Variants in PRKDC observed in about 807,000 individuals in gnomAD.
PRKDC encodes the protein DNA-dependent protein kinase catalytic subunit.
PRKDC carries 82 observed loss-of-function variants against 486.9 expected under a neutral mutation model. That is an observed-to-expected ratio of 0.17 (90% CI 0.14 to 0.20). The LOEUF (loss-of-function observed/expected upper bound fraction) is 0.20, where lower values mean the gene tolerates loss of function less well. Among genes scored for constraint, PRKDC ranks in the 10% least tolerant of loss-of-function variants. PRKDC has a pLI of 1.00. For missense variants in PRKDC, 4,504 were observed against 5,038.2 expected, an observed-to-expected ratio of 0.89 and a Z score of 3.21; for synonymous variants, 1,895 against 1,837.0, an observed-to-expected ratio of 1.03 and a Z score of -0.81.
At position 47,816,694 on chromosome 8, in the gene PRKDC, A is replaced by G. The variant is rs543785489; in HGVS notation, c.9557+756T>C. The stretch of plus-strand genomic sequence containing the variant: ...GGTCTGGTAGAAAAGAAAAAAATAC[A>G]AATACTAACATGGAAAAATGTTTAA... On this transcript the variant is annotated intron_variant, in intron 68 of 85. Coordinates refer to ENST00000314191, the MANE Select transcript of PRKDC (RefSeq NM_006904.7). 6.6e-5 allele frequency among the ~76,000 whole-genome samples: 10 copies of G among 152,346 alleles called. No individual in the cohort carries two copies. The East Asian group carries it at 1.9e-3, about 29-fold the overall frequency.
intron 46 of PRKDC, 37 bp downstream of exon 46, chr8:47,859,574 A>G (rs1464014593): frequency 6.3e-7 from 1 of 1,597,654 alleles, no homozygotes; most frequent in Non-Finnish European, 8.6e-7. Context: ...CTTCACAAAC[A>G]TCGACAATAT....
At position 47,879,564 on chromosome 8, in the gene PRKDC, T is replaced by C. The variant is rs745483541; in HGVS notation, c.5162A>G (p.His1721Arg). The change falls in exon 39 of 86, where the codon CAC (histidine) becomes CGC (arginine). Residue 1721 changes from histidine to arginine, a missense_variant. Around this residue, in one of 6 missense-constraint regions of PRKDC, gnomAD observed 1,969 missense variants for 2,068.9 expected, o/e 0.95. Transcript: ENST00000314191. ...AAATTCCCTGGACTGCATGGGGAAG[T>C]GAGCAACGATGAGCTGCTCCAGAAC... is the stretch of plus-strand genomic sequence containing the variant. The part of the protein sequence containing the change: ...RRVLEQLIVA[H>R]FPMQSREFPP... 9.4e-6 allele frequency: 15 copies of C among 1,596,928 alleles called. No individual in the cohort carries two copies. In the Admixed American group the frequency reaches 2.6e-4, roughly 28 times the overall value.
intron 45 of PRKDC, among the ~76,000 whole-genome samples, 152 bp from the exon 46 acceptor site, chr8:47,859,911 A>G (rs1013221862): frequency 6.6e-6 from 1 of 152,252 alleles, no homozygotes; most frequent in African/African-American, 2.4e-5. Context: ...CCAGATTAAG[A>G]AAGCAAAAAA....
chr8:47,851,153 C>T (rs537113080), intron 52 of PRKDC, among the ~76,000 whole-genome samples: 2 of 152,148 alleles, frequency 1.3e-5, no homozygotes, highest in Admixed American at 6.5e-5. Context: ...CAAATTTCTA[C>T]GATAAATCCG....
intron 13 of PRKDC, among the ~76,000 whole-genome samples, 195 bp from the exon 14 acceptor site, chr8:47,935,253 G>A (rs2090328922): frequency 1.3e-5 from 2 of 152,136 alleles, no homozygotes; most frequent in African/African-American, 4.8e-5. Flanking sequence ...TGTAATCCCA[G>A]CACTTTGGGA....
intron 41 of PRKDC, among the ~76,000 whole-genome samples, 152 bp downstream of exon 41, chr8:47,864,404 A>C (rs2088754839): frequency 6.6e-6 from 1 of 152,208 alleles, no homozygotes; most frequent in Non-Finnish European, 1.5e-5. Context: ...CAGAAGCCAC[A>C]GGAAATAAAG....
At chr8:47,799,991 T>A (rs920196788) in intron 71 of PRKDC, among the ~76,000 whole-genome samples, 1 of 152,148 alleles carries the variant, frequency 6.6e-6, no homozygotes, top group African/African-American at 2.4e-5. Context: ...TTCAAAAAAA[T>A]TTAAAATTCA....
chr8:47,835,568 G>T (rs1467872116), intron 58 of PRKDC, among the ~76,000 whole-genome samples: 2 of 117,418 alleles, frequency 1.7e-5, no homozygotes. Context: ...AGTGAGCCAA[G>T]ATCGTGCCAC....
chr8:47,869,068 G>A (rs2088885190), intron 40 of PRKDC, among the ~76,000 whole-genome samples: 1 of 152,126 alleles, frequency 6.6e-6, no homozygotes, highest in South Asian at 2.1e-4. Flanking sequence ...GTGCCTTGGG[G>A]TCCCAAACAA....
intron 40 of PRKDC, among the ~76,000 whole-genome samples, chr8:47,870,555 G>T (rs987568833): frequency 2.0e-5 from 3 of 152,132 alleles, no homozygotes; most frequent in Non-Finnish European, 4.4e-5. Context: ...AGTGACCAAA[G>T]ACTTAGATCA....
chr8:47,774,409 G>A (rs2086570023), intron 85 of PRKDC, 32 bp from the exon 86 acceptor site: 1 of 1,593,538 alleles, frequency 6.3e-7, no homozygotes, highest in Non-Finnish European at 8.6e-7. Flanking sequence ...AAAACACAAA[G>A]CATGTGTCAT....
At chr8:47,956,977 CCAAAA>C (rs1475804577) in intron 3 of PRKDC, among the ~76,000 whole-genome samples, 189 bp downstream of exon 3, 5 of 11,452 alleles carry the variant, frequency 4.4e-4, no homozygotes, top group Non-Finnish European at 6.4e-4. Context: ...AACTCCTTCT[CCAAAA>C]AAAAAAAAAA....
At chr8:47,907,373 T>A (rs2154502589) in intron 25 of PRKDC, among the ~76,000 whole-genome samples, 1 of 149,840 alleles carries the variant, frequency 6.7e-6, no homozygotes, top group East Asian at 2.0e-4. Context: ...AGTACATAAG[T>A]TTTTTAATAC....
At chr8:47,803,054 T>A (rs2087142037) in intron 70 of PRKDC, among the ~76,000 whole-genome samples, 1 of 152,246 alleles carries the variant, frequency 6.6e-6, no homozygotes, top group African/African-American at 2.4e-5. Flanking sequence ...CCCAAATTGC[T>A]CGGATTACAG....
At chr8:47,799,448 T>C in intron 71 of PRKDC, 58 bp from the exon 72 acceptor site, 1 of 1,413,766 alleles carries the variant, frequency 7.1e-7, no homozygotes, top group South Asian at 1.7e-5. Context: ...CAAAGAACTC[T>C]GCTTTCCATT....
chr8:47,777,155 C>T (rs918544159), intron 84 of PRKDC, among the ~76,000 whole-genome samples, 172 bp from the exon 85 acceptor site: 1 of 152,068 alleles, frequency 6.6e-6, no homozygotes, highest in Non-Finnish European at 1.5e-5. Context: ...ACACACATCA[C>T]GAGACGAGGG....
chr8:47,783,339 A>T (rs1589692389), intron 78 of PRKDC, among the ~76,000 whole-genome samples: 1 of 151,564 alleles, frequency 6.6e-6, no homozygotes, highest in South Asian at 2.1e-4. Context: ...CTGTAATCCC[A>T]GCACTTTGCG....
At position 47,821,747 on chromosome 8, in the gene PRKDC, C is replaced by A; in HGVS notation, c.8968G>T (p.Glu2990Ter). The A allele has an allele frequency of 6.3e-7, 1 of 1,596,534 alleles. No individual in the cohort carries two copies. The highest frequency in any genetic ancestry group is 2.2e-5 in the East Asian group (1 of 44,602). ...GATGCAAGTTCCCAAAAATCCTTCTCGGCTTCTGTGGGCTCACCATCTACC... is the reference window on the plus strand; with the variant it reads ...GATGCAAGTTCCCAAAAATCCTTCTAGGCTTCTGTGGGCTCACCATCTACC... Reference protein sequence around the residue: ...DWVDGEPTEAEKDFWELASLD... With the variant: ...DWVDGEPTEA The change falls in exon 65 of 86, where the codon GAG becomes TAG. Residue 2990 changes from glutamate to a stop codon, truncating the protein, a stop_gained. Coordinates refer to ENST00000314191, the MANE Select transcript of PRKDC (RefSeq NM_006904.7). LOFTEE classifies it high-confidence loss of function.
At chr8:47,836,653 T>G in intron 57 of PRKDC, 126 bp from the exon 58 acceptor site, 1 of 867,684 alleles carries the variant, frequency 1.2e-6, no homozygotes, top group Non-Finnish European at 1.7e-6. Context: ...CATAACTTCA[T>G]ATGCAGCTGA....
Sources: allele counts gnomAD v4.1 joint callset (sites outside exome capture counted in the v4.1 genomes callset), GRCh38; gene constraint gnomAD v4.1.1; regional missense constraint gnomAD v4.1.1; transcripts MANE v1.5; gene names NCBI Gene and HGNC (gene_info 2026-07-23, HGNC 2026-07-21).